Variants in SMIM41 observed in about 807,000 individuals in gnomAD.
The protein encoded by SMIM41 is small integral membrane protein 41.
chr12:52,105,732 CAACAG>C (rs1287777158), intron 2 of SMIM41, among the ~76,000 whole-genome samples: 1 of 151,922 alleles, frequency 6.6e-6, no homozygotes, highest in East Asian at 1.9e-4. Flanking sequence ...CCAGCCTGGG[CAACAG>C]AATGAGACTC....
In SMIM41 at chr12:52,107,666, G is replaced by C. The variant is rs939682169; in HGVS notation, c.*483G>C. ...TTGCCATTTTTGGAGGCACGGAAGA[G>C]AGACATGCTCCTGAGTGTGATGGCC... On this transcript the variant is annotated 3_prime_UTR_variant, in exon 3 of 3. Transcript: ENST00000546390. The C allele has an allele frequency of 1.9e-6, 1 of 530,416 alleles. No homozygotes were observed. The highest frequency in any genetic ancestry group is 2.2e-5 in the Admixed American group (1 of 46,056). The allele number at this position is 530,416 out of a possible 1,614,324, so 32.9% of individuals were successfully genotyped here.
intron 1 of SMIM41, among the ~76,000 whole-genome samples, chr12:52,080,881 G>T (rs974829463): frequency 6.6e-6 from 1 of 152,172 alleles, no homozygotes; most frequent in African/African-American, 2.4e-5. Flanking sequence ...TGGGGAGGGG[G>T]TGGTGAAGGG....
intron 2 of SMIM41, among the ~76,000 whole-genome samples, chr12:52,100,661 C>T (rs1434191309): frequency 2.4e-5 from 3 of 125,086 alleles, no homozygotes; most frequent in Non-Finnish European, 4.8e-5. Flanking sequence ...TTAGTAGAGA[C>T]AGTGTTTCTC....
intron 2 of SMIM41, among the ~76,000 whole-genome samples, chr12:52,104,638 C>T (rs117354185): frequency 0.043 from 6,468 of 151,650 alleles, 211 homozygotes; most frequent in Non-Finnish European, 0.069. Context: ...ACTGTCGGCT[C>T]AGCAGACTGT....
chr12:52,106,837 TAAGTTC>T (rs1940349947), intron 2 of SMIM41, among the ~76,000 whole-genome samples: 1 of 152,242 alleles, frequency 6.6e-6, no homozygotes, highest in Admixed American at 6.5e-5. Context: ...CTATCAACTT[TAAGTTC>T]ATTTCCAGAT....
chr12:52,084,229 C>A (rs1939859115), intron 2 of SMIM41, among the ~76,000 whole-genome samples: 1 of 151,976 alleles, frequency 6.6e-6, no homozygotes, highest in Admixed American at 6.6e-5. Flanking sequence ...CAAAAATTAG[C>A]TGGATGTGGC....
rs141757563 is a variant in SMIM41 at position 52,086,361 on chromosome 12, G to A, written c.*195+2393G>A. Among the ~76,000 whole-genome samples, 354 of 143,030 alleles carry A rather than the reference G, an allele frequency of 2.5e-3. 2 individuals are homozygous for A. Among genetic ancestry groups the A allele is most frequent in the African/African-American group, 8.2e-3 (333 of 40,648 alleles). 93.8% of individuals were successfully genotyped at this position (143,030 alleles called of 152,430 possible). On this transcript the variant is annotated intron_variant, in intron 2 of 2. Coordinates refer to ENST00000546390, the MANE Select transcript of SMIM41 (RefSeq NM_001369216.1). ...TCCACACAGAGGAAGATGGTGATGT[G>A]GTTGCCTCTGGTTCTGCGAGCCCAC...
chr12:52,106,445 C>A (rs1176659382), intron 2 of SMIM41, among the ~76,000 whole-genome samples: 2 of 152,164 alleles, frequency 1.3e-5, no homozygotes, highest in Non-Finnish European at 2.9e-5. Flanking sequence ...CAGGTTCAAG[C>A]CATTCTCCTG....
chr12:52,105,123 C>T (rs1174273586), intron 2 of SMIM41, among the ~76,000 whole-genome samples: 1 of 152,272 alleles, frequency 6.6e-6, no homozygotes, highest in African/African-American at 2.4e-5. Flanking sequence ...CCTGCCCTCT[C>T]AAATCCTTGT....
At chr12:52,084,305 C>T (rs184515286) in intron 2 of SMIM41, among the ~76,000 whole-genome samples, 76 of 151,542 alleles carry the variant, frequency 5.0e-4, no homozygotes, top group Non-Finnish European at 9.1e-4. Context: ...GAGCCGCGAT[C>T]GTGCCACTAC....
intron 2 of SMIM41, among the ~76,000 whole-genome samples, chr12:52,096,022 CCT>C (rs1940087187): frequency 6.6e-6 from 1 of 151,906 alleles, no homozygotes; most frequent in African/African-American, 2.4e-5. Context: ...GTAATATCAG[CCT>C]CTCCTCTCCA....
At chr12:52,093,885 C>T (rs1016762005) in intron 2 of SMIM41, among the ~76,000 whole-genome samples, 1 of 152,078 alleles carries the variant, frequency 6.6e-6, no homozygotes, top group East Asian at 1.9e-4. Context: ...AATCCCAGCA[C>T]TTTGGGAGGC....
intron 2 of SMIM41, among the ~76,000 whole-genome samples, chr12:52,102,377 T>G (rs1271026900): frequency 1.3e-5 from 2 of 152,242 alleles, no homozygotes; most frequent in Non-Finnish European, 2.9e-5. Context: ...ATTAGATTCC[T>G]TGGATTACAT....
intron 1 of SMIM41, 69 bp downstream of exon 1, chr12:52,080,250 A>C (rs1939797889): frequency 4.4e-6 from 1 of 224,754 alleles, no homozygotes; most frequent in South Asian, 1.9e-4. Flanking sequence ...CTTACTGAGG[A>C]GGCTTCTTGG....
chr12:52,096,910 T>C (rs1168076043), intron 2 of SMIM41, among the ~76,000 whole-genome samples: 1 of 152,072 alleles, frequency 6.6e-6, no homozygotes, highest in Non-Finnish European at 1.5e-5. Context: ...AATATCGCAC[T>C]GGGTGTACAT....
chr12:52,092,807 A>C (rs1179853328), intron 2 of SMIM41: 1 of 152,242 alleles, frequency 6.6e-6, no homozygotes, highest in South Asian at 2.1e-4. Flanking sequence ...AAGGATTGTA[A>C]TGCCATGTTA....
chr12:52,094,442 A>T (rs1014294550), intron 2 of SMIM41, among the ~76,000 whole-genome samples: 16 of 152,086 alleles, frequency 1.1e-4, no homozygotes, highest in African/African-American at 3.9e-4. Context: ...ACCTCAGGTG[A>T]TCTACCTGCC....
Position 52,094,267 on chromosome 12 carries a change from C to T in SMIM41, c.*195+10299C>T, listed in dbSNP as rs542619372. 3.3e-3 allele frequency among the ~76,000 whole-genome samples: 497 copies of T among 149,638 alleles called. 1 individual carries two copies. The highest frequency in any genetic ancestry group is 0.011 in the Middle Eastern group (3 of 284). On this transcript the variant is annotated intron_variant, in intron 2 of 2. Transcript: ENST00000546390. The stretch of plus-strand genomic sequence containing the variant: ...CTGGAGTGCAGTGGCAGCACAGTCT[C>T]AGTTCACTGCAACCTCTGCCTCCTG...
At chr12:52,088,046 C>T (rs1205318343) in intron 2 of SMIM41, among the ~76,000 whole-genome samples, 3 of 152,202 alleles carry the variant, frequency 2.0e-5, no homozygotes, top group East Asian at 1.9e-4. Flanking sequence ...GTTAATCTGC[C>T]CACCCATTCT....
Sources: gnomAD v4.1 joint callset for allele counts (sites outside exome capture counted in the v4.1 genomes callset) on GRCh38, gnomAD v4.1.1 for gene constraint, MANE v1.5 for transcripts, NCBI Gene and HGNC (gene_info 2026-07-23, HGNC 2026-07-21) for gene names.